The following PKN2 variants were observed in gnomAD, a reference collection of about 807,000 sequenced individuals.
The protein encoded by PKN2 is serine/threonine-protein kinase N2.
In PKN2, 38 loss-of-function variants were observed where a neutral mutation model predicts 119.1. The observed-to-expected ratio is 0.32, with a 90% confidence interval of 0.25 to 0.42. The LOEUF is 0.42. Ranked by LOEUF, PKN2 falls within the 10% of genes least tolerant of loss-of-function variation. PKN2 has a pLI of 1.00. For synonymous variants in PKN2, 390 were observed against 384.9 expected, an observed-to-expected ratio of 1.01 and a Z score of -0.15; for missense variants, 850 against 1,165.1, an observed-to-expected ratio of 0.73 and a Z score of 3.94.
chr1:88,767,312 A>G (rs1669702076), intron 3 of PKN2, among the ~76,000 whole-genome samples: 1 of 152,218 alleles, frequency 6.6e-6, no homozygotes, highest in African/African-American at 2.4e-5. Flanking sequence ...AAGTTTATAT[A>G]TAATAAGATT....
At chr1:88,792,758 C>A (rs1670899220) in intron 8 of PKN2, among the ~76,000 whole-genome samples, 1 of 152,130 alleles carries the variant, frequency 6.6e-6, no homozygotes, top group Non-Finnish European at 1.5e-5. Context: ...ATTGAAATGG[C>A]AGAAGCTACA....
intron 1 of PKN2, among the ~76,000 whole-genome samples, chr1:88,717,452 C>G (rs1452795684): frequency 1.3e-5 from 2 of 152,074 alleles, no homozygotes; most frequent in Non-Finnish European, 2.9e-5. Context: ...TAGATTTGGT[C>G]TTTTCACATA....
At chr1:88,775,960 T>C (rs1376673053) in intron 6 of PKN2, among the ~76,000 whole-genome samples, 1 of 151,704 alleles carries the variant, frequency 6.6e-6, no homozygotes, top group Admixed American at 6.6e-5. Flanking sequence ...AAAAAAAAAT[T>C]AGCCGGGCGT....
intron 2 of PKN2, among the ~76,000 whole-genome samples, chr1:88,752,071 G>T (rs916269506): frequency 6.6e-6 from 1 of 152,100 alleles, no homozygotes; most frequent in African/African-American, 2.4e-5. Flanking sequence ...TGAAATGTAT[G>T]TATTTCATCA....
chr1:88,704,425 A>G (rs1570500273), intron 1 of PKN2, among the ~76,000 whole-genome samples: 2 of 152,304 alleles, frequency 1.3e-5, no homozygotes, highest in South Asian at 4.1e-4. Context: ...CAGGTTTGAG[A>G]TATTACAAAT....
intron 17 of PKN2, 27 bp from the exon 18 acceptor site, chr1:88,824,283 C>A: frequency 1.8e-6 from 2 of 1,124,506 alleles, no homozygotes; most frequent in South Asian, 1.5e-5. Context: ...TTTTTTTTTT[C>A]ATGCTGTATC....
At chr1:88,713,587 G>A (rs1025604467) in intron 1 of PKN2, among the ~76,000 whole-genome samples, 1 of 152,170 alleles carries the variant, frequency 6.6e-6, no homozygotes, top group Non-Finnish European at 1.5e-5. Flanking sequence ...TTTGAGAAGT[G>A]TCCGTTCATA....
chr1:88,722,743 A>G (rs1667731297), intron 1 of PKN2, among the ~76,000 whole-genome samples: 1 of 151,824 alleles, frequency 6.6e-6, no homozygotes. Flanking sequence ...TGATTGTGCC[A>G]CTGCGCTCTA....
At chr1:88,804,655 G>T in intron 9 of PKN2, 121 bp downstream of exon 9, 1 of 965,136 alleles carries the variant, frequency 1.0e-6, no homozygotes. Context: ...TCTTGGCTGA[G>T]CTATGCCACT....
chr1:88,828,747 T>C, intron 19 of PKN2, 124 bp downstream of exon 19: 1 of 712,826 alleles, frequency 1.4e-6, no homozygotes, highest in South Asian at 2.2e-5. Flanking sequence ...TAAATATTTA[T>C]AGTATACTAG....
rs1463107808 is a variant in PKN2 at position 88,836,209 on chromosome 1, G to A, written c.*2761G>A. 2 of 151,946 alleles carry A rather than the reference G, an allele frequency of 1.3e-5. No individual in the cohort carries two copies. Among genetic ancestry groups the A allele is most frequent in the Non-Finnish European group, 2.9e-5 (2 of 67,978 alleles). 9.4% of individuals were successfully genotyped at this position (151,946 alleles called of 1,614,324 possible). On this transcript the variant is annotated 3_prime_UTR_variant, in exon 22 of 22. Coordinates refer to ENST00000370521, the MANE Select transcript of PKN2 (RefSeq NM_006256.4). ...TTTGAGGTTAGCTTATTTTAATTTA[G>A]GACCTGGCTTCTCAAAAAGGCAAAT...
At chr1:88,754,252 A>G (rs1235611001) in intron 2 of PKN2, among the ~76,000 whole-genome samples, 2 of 151,306 alleles carry the variant, frequency 1.3e-5, no homozygotes, top group Non-Finnish European at 2.9e-5. Flanking sequence ...GTGTCTTTTT[A>G]TGTCGCATTT....
rs763713815 is a variant in PKN2, at chr1:88,821,913, ACTC to A, written c.2280-25_2280-23del. 12 of 1,523,172 alleles carry A rather than the reference ACTC, an allele frequency of 7.9e-6. No homozygotes were observed. In the Admixed American group the frequency reaches 1.2e-4, roughly 15 times the overall value. The allele number at this position is 1,523,172 out of a possible 1,614,324, so 94.4% of individuals were successfully genotyped here. ...ATTCAAGAGCAATAAAATTTATTAA[ACTC>A]CTGTTGATTTAATTCTTCAAACAGA... On this transcript the variant is annotated intron_variant, in intron 16 of 21. Transcript: ENST00000370521.
At chr1:88,716,121 C>G (rs1667439345) in intron 1 of PKN2, among the ~76,000 whole-genome samples, 1 of 152,166 alleles carries the variant, frequency 6.6e-6, no homozygotes, top group South Asian at 2.1e-4. Flanking sequence ...GTTTCTTAAT[C>G]CTGAGTTCTA....
At chr1:88,694,499 C>T (rs753638092) in intron 1 of PKN2, among the ~76,000 whole-genome samples, 2 of 152,044 alleles carry the variant, frequency 1.3e-5, no homozygotes, top group East Asian at 1.9e-4. Context: ...CTGTATGTAC[C>T]TTAGTTTATT....
intron 18 of PKN2, among the ~76,000 whole-genome samples, chr1:88,828,020 C>T (rs915667275): frequency 8.5e-5 from 13 of 152,052 alleles, no homozygotes; most frequent in African/African-American, 9.7e-5. Flanking sequence ...CCACTGCACA[C>T]GGCCCTATCT....
At chr1:88,734,010 T>C (rs1668241768) in intron 1 of PKN2, among the ~76,000 whole-genome samples, 1 of 151,976 alleles carries the variant, frequency 6.6e-6, no homozygotes, top group South Asian at 2.1e-4. Flanking sequence ...AGATAAAAAT[T>C]AGCTAGGCAT....
At chr1:88,762,092 G>A (rs1669470736) in intron 3 of PKN2, among the ~76,000 whole-genome samples, 1 of 152,168 alleles carries the variant, frequency 6.6e-6, no homozygotes, top group African/African-American at 2.4e-5. Flanking sequence ...AAAAGCAAGT[G>A]TGTATGTTGA....
At chr1:88,748,822 C>G (rs531993457) in intron 2 of PKN2, among the ~76,000 whole-genome samples, 2 of 152,026 alleles carry the variant, frequency 1.3e-5, no homozygotes, top group Non-Finnish European at 2.9e-5. Context: ...GTAATCCCAG[C>G]TACTTGGGAG....
Sources: allele counts gnomAD v4.1 joint callset (sites outside exome capture counted in the v4.1 genomes callset), GRCh38; gene constraint gnomAD v4.1.1; transcripts MANE v1.5; gene names NCBI Gene and HGNC (gene_info 2026-07-23, HGNC 2026-07-21).